The following COPG2 variants were observed in gnomAD, a reference collection of about 807,000 sequenced individuals.
COPG2 encodes the protein coat protein complex I subunit gamma 2.
A neutral mutation model predicts 46.3 loss-of-function variants in COPG2; 37 were observed. The observed-to-expected ratio is 0.80, with a 90% CI of 0.61 to 1.05. The LOEUF is 1.05. COPG2 is among the 50% of genes least tolerant of loss of function. The pLI, the probability that COPG2 is intolerant of heterozygous loss-of-function variation, is 0.00. For synonymous variants in COPG2, 159 were observed against 129.7 expected (o/e 1.23, Z -1.53); for missense variants, 427 against 387.8 (o/e 1.10, Z -0.85).
chr7:130,522,646 A>G (rs1366162659), intron 20 of COPG2, among the ~76,000 whole-genome samples: 1 of 152,120 alleles, frequency 6.6e-6, no homozygotes, highest in Non-Finnish European at 1.5e-5. Flanking sequence ...GAGGAAGAAA[A>G]GGAAATGTGC....
chr7:130,616,816 A>C (rs1308921729), intron 6 of COPG2, among the ~76,000 whole-genome samples, 174 bp downstream of exon 6: 1 of 152,308 alleles, frequency 6.6e-6, no homozygotes, highest in Middle Eastern at 3.4e-3. Context: ...TAAATAAAGG[A>C]AAAAAATCTG....
In COPG2 at chr7:130,560,196, T is replaced by C. The variant is rs1039142324; in HGVS notation, c.1128+837A>G. 4.3e-4 allele frequency among the ~76,000 whole-genome samples: 66 copies of C among 152,252 alleles called. No homozygotes were observed. The East Asian group carries it at 0.011, about 25-fold the overall frequency. Reference sequence around the variant, plus strand: ...ATACCAAGTTAATATGGAGAAGTATTTTTTAAAAGTTTTTCATTAATAGTA... The same window carrying C: ...ATACCAAGTTAATATGGAGAAGTATCTTTTAAAAGTTTTTCATTAATAGTA... On this transcript the variant is annotated intron_variant, in intron 12 of 23. Coordinates refer to ENST00000425248, the MANE Select transcript of COPG2 (RefSeq NM_012133.6).
At chr7:130,642,378 C>T (rs1795508907) in intron 5 of COPG2, among the ~76,000 whole-genome samples, 1 of 152,110 alleles carries the variant, frequency 6.6e-6, no homozygotes, top group Non-Finnish European at 1.5e-5. Flanking sequence ...TTCCATCACC[C>T]CAGAAAGTTC....
At chr7:130,510,085 C>T in intron 20 of COPG2, 1 of 520,046 alleles carries the variant, frequency 1.9e-6, no homozygotes, top group Non-Finnish European at 3.8e-6. Flanking sequence ...TTCCAACAGG[C>T]TCTGGTGAGC....
intron 20 of COPG2, among the ~76,000 whole-genome samples, chr7:130,516,997 T>A (rs2116342226): frequency 6.6e-6 from 1 of 150,766 alleles, no homozygotes; most frequent in East Asian, 2.0e-4. Flanking sequence ...GGGAGGGGAG[T>A]ATCCAGAAGA....
chr7:130,636,687 CTG>C (rs1554456336), intron 5 of COPG2, among the ~76,000 whole-genome samples: 2 of 152,038 alleles, frequency 1.3e-5, no homozygotes, highest in African/African-American at 4.8e-5. Flanking sequence ...ATTTGCCAGT[CTG>C]TGTCTTTCCA....
chr7:130,593,764 GA>G (rs367855032), intron 9 of COPG2, among the ~76,000 whole-genome samples: 63,995 of 148,898 alleles, frequency 0.43, 16,367 homozygotes, highest in East Asian at 0.6. Context: ...ATCCAAAAAA[GA>G]AAAAAAAAAT....
At chr7:130,662,880 G>A in intron 4 of COPG2, 87 bp downstream of exon 4, 1 of 738,238 alleles carries the variant, frequency 1.4e-6, no homozygotes, top group East Asian at 2.7e-5. Flanking sequence ...TTCAAGCAAT[G>A]CTCCCTAATT....
At chr7:130,570,325 C>T (rs1462288387) in intron 9 of COPG2, among the ~76,000 whole-genome samples, 1 of 152,234 alleles carries the variant, frequency 6.6e-6, no homozygotes, top group African/African-American at 2.4e-5. Context: ...ATCCAAAAAG[C>T]TCCTAGATCT....
chr7:130,601,822 T>C (rs536108809), intron 9 of COPG2, among the ~76,000 whole-genome samples: 13 of 107,388 alleles, frequency 1.2e-4, no homozygotes, highest in African/African-American at 4.6e-4. Context: ...TAAAGTATAA[T>C]AAAAAAAGGA....
intron 20 of COPG2, among the ~76,000 whole-genome samples, chr7:130,513,331 A>G (rs1417321402): frequency 6.9e-5 from 5 of 72,234 alleles, no homozygotes; most frequent in African/African-American, 1.8e-4. Context: ...ATATATATAT[A>G]TATATATATA....
At chr7:130,598,081 C>T (rs955865189) in intron 9 of COPG2, among the ~76,000 whole-genome samples, 4 of 152,090 alleles carry the variant, frequency 2.6e-5, no homozygotes, top group South Asian at 2.1e-4. Context: ...AAATGGTTGC[C>T]GCTTCTAGTG....
rs189849580 is a variant in COPG2, at chr7:130,659,083, C to T, written c.243+3884G>A. ...CATGAAAATATGCTTAGGCCGGGCG[C>T]GGTAGCTTACGCCTGCAATCCCAGC... On this transcript the variant is annotated intron_variant, in intron 4 of 23. Transcript: ENST00000425248. 6.8e-4 allele frequency among the ~76,000 whole-genome samples: 103 copies of T among 152,116 alleles called. 1 individual carries two copies. Among genetic ancestry groups the T allele is most frequent in the East Asian group, 4.5e-3 (23 of 5,166 alleles).
chr7:130,538,899 C>T (rs931054655), intron 20 of COPG2, among the ~76,000 whole-genome samples: 6 of 151,926 alleles, frequency 3.9e-5, no homozygotes, highest in East Asian at 1.9e-4. Context: ...AAGTAGGAAG[C>T]GGGGGCCTTC....
In COPG2 at chr7:130,539,822, T is replaced by A. The variant is rs937831600; in HGVS notation, c.2149+7852A>T. Among the ~76,000 whole-genome samples the A allele has an allele frequency of 2.0e-5, 3 of 151,900 alleles. No individual in the cohort carries two copies. The East Asian group carries it at 5.8e-4, about 29-fold the overall frequency. ...ACAGCCACAGGCAGGACAGCCATAG[T>A]TGGAGCGAGGTGAACGGGGAGGTCC... On this transcript the variant is annotated intron_variant, in intron 20 of 23. Transcript: ENST00000425248.
chr7:130,528,071 A>C (rs970461589), intron 20 of COPG2, among the ~76,000 whole-genome samples: 4 of 151,846 alleles, frequency 2.6e-5, no homozygotes, highest in African/African-American at 9.7e-5. Flanking sequence ...GGTGCTAAGG[A>C]GGGAGGAGGC....
chr7:130,509,040 CAAAA>C, intron 20 of COPG2: 2 of 411,680 alleles, frequency 4.9e-6, no homozygotes, highest in Non-Finnish European at 4.8e-6. Flanking sequence ...AAAAAAAAAA[CAAAA>C]AAAAAACCTG....
At chr7:130,638,777 A>G (rs1795399082) in intron 5 of COPG2, among the ~76,000 whole-genome samples, 1 of 149,808 alleles carries the variant, frequency 6.7e-6, no homozygotes, top group Non-Finnish European at 1.5e-5. Flanking sequence ...CTGAGGTATG[A>G]AAAAAAAAAC....
At chr7:130,612,957 A>G (rs1343635858) in intron 7 of COPG2, among the ~76,000 whole-genome samples, 1 of 152,124 alleles carries the variant, frequency 6.6e-6, no homozygotes, top group Non-Finnish European at 1.5e-5. Flanking sequence ...CATACCCCAC[A>G]CTTACCCCTC....
Sources: allele counts gnomAD v4.1 joint callset (sites outside exome capture counted in the v4.1 genomes callset), GRCh38; gene constraint gnomAD v4.1.1; transcripts MANE v1.5; gene names NCBI Gene and HGNC (gene_info 2026-07-23, HGNC 2026-07-21).